RSU1: variants seen among roughly 807,000 people sequenced by gnomAD.
RSU1 encodes rsu-1.
In RSU1, 26 loss-of-function variants were observed where a neutral mutation model predicts 31.1. The ratio of observed to expected loss-of-function variants is 0.84; its 90% CI spans 0.61 to 1.16. The LOEUF (loss-of-function observed/expected upper bound fraction) is 1.16, where lower values mean the gene tolerates loss of function less well. Ranked by LOEUF, RSU1 falls within the 50% of genes most tolerant of loss-of-function variation. RSU1 has a pLI of 0.00. For missense variants in RSU1, 320 were observed against 339.1 expected (o/e 0.94, Z 0.44); for synonymous variants, 164 against 136.3 (o/e 1.20, Z -1.41).
intron 8 of RSU1, among the ~76,000 whole-genome samples, chr10:16,665,593 T>C (rs1404971202): frequency 6.6e-6 from 1 of 152,236 alleles, no homozygotes; most frequent in African/African-American, 2.4e-5. Flanking sequence ...AAGAGAAATA[T>C]TTTGACACAT....
intron 3 of RSU1, among the ~76,000 whole-genome samples, chr10:16,771,962 G>A (rs1837432108): frequency 1.3e-5 from 2 of 152,138 alleles, no homozygotes. Flanking sequence ...AAATAACAAT[G>A]GTAATGTACT....
At chr10:16,686,140 C>T (rs187464879) in intron 8 of RSU1, among the ~76,000 whole-genome samples, 3 of 152,230 alleles carry the variant, frequency 2.0e-5, no homozygotes, top group African/African-American at 7.2e-5. Flanking sequence ...AAAAACCCCA[C>T]AAAACCTCCA....
rs116060902 is a variant in RSU1 at position 16,661,935 on chromosome 10, T to C, written c.731+33088A>G. ...TTCAGCAATATAGTTATAAAATACA[T>C]TTCTCTGACTCATTCTGCATCTAGT... is the stretch of plus-strand genomic sequence containing the variant. On this transcript the variant is annotated intron_variant, in intron 8 of 8. Coordinates refer to ENST00000345264, the MANE Select transcript of RSU1 (RefSeq NM_012425.4). Among the ~76,000 whole-genome samples the C allele has an allele frequency of 2.9e-3, 448 of 152,354 alleles. 4 individuals carry two copies. Among genetic ancestry groups the C allele is most frequent in the African/African-American group, 0.01 (423 of 41,584 alleles).
chr10:16,692,537 T>G (rs1156883340), intron 8 of RSU1, among the ~76,000 whole-genome samples: 1 of 152,276 alleles, frequency 6.6e-6, no homozygotes, highest in Non-Finnish European at 1.5e-5. Context: ...ATGACTTTTT[T>G]CAAGATACCA....
At chr10:16,700,455 AG>A (rs1306886114) in intron 7 of RSU1, among the ~76,000 whole-genome samples, 1 of 152,198 alleles carries the variant, frequency 6.6e-6, no homozygotes, top group Non-Finnish European at 1.5e-5. Flanking sequence ...AACAGCTGAA[AG>A]ATCACCTCTT....
At chr10:16,779,272 G>C (rs1033991684) in intron 3 of RSU1, among the ~76,000 whole-genome samples, 4 of 152,144 alleles carry the variant, frequency 2.6e-5, no homozygotes, top group African/African-American at 9.7e-5. Context: ...ATATTTTTAT[G>C]AACTGCAGTA....
intron 8 of RSU1, among the ~76,000 whole-genome samples, chr10:16,670,178 G>A (rs1324331196): frequency 1.3e-5 from 2 of 152,188 alleles, no homozygotes; most frequent in Non-Finnish European, 2.9e-5. Flanking sequence ...AATAACTAAG[G>A]AGGAAAAACG....
intron 7 of RSU1, among the ~76,000 whole-genome samples, chr10:16,711,579 TA>T (rs1280129983): frequency 2.0e-5 from 3 of 152,210 alleles, no homozygotes; most frequent in African/African-American, 7.2e-5. Context: ...CAGGTTTTGG[TA>T]AGATGTGTTT....
chr10:16,682,574 G>GCACACACACACACACACACACACA, intron 8 of RSU1, among the ~76,000 whole-genome samples: 2 of 138,278 alleles, frequency 1.4e-5, no homozygotes, highest in African/African-American at 5.6e-5. Flanking sequence ...ACACACACAT[G>GCACACACACACACACACACACACA]CATGCATGTT....
intron 8 of RSU1, among the ~76,000 whole-genome samples, chr10:16,674,510 G>A (rs753489008): frequency 1.3e-5 from 2 of 151,624 alleles, no homozygotes. Flanking sequence ...TCCACTAGGT[G>A]CCAGGCAATG....
chr10:16,780,893 G>A (rs770405021), intron 3 of RSU1, among the ~76,000 whole-genome samples: 1 of 152,194 alleles, frequency 6.6e-6, no homozygotes, highest in Non-Finnish European at 1.5e-5. Context: ...TGTGACAACT[G>A]TGCCGTCACT....
chr10:16,796,168 G>T (rs1173311325), intron 2 of RSU1, among the ~76,000 whole-genome samples: 1 of 152,046 alleles, frequency 6.6e-6, no homozygotes, highest in South Asian at 2.1e-4. Flanking sequence ...AACATGATTT[G>T]GTCTCGTAGG....
intron 7 of RSU1, among the ~76,000 whole-genome samples, chr10:16,749,272 T>A (rs1588510622): frequency 6.6e-6 from 1 of 152,172 alleles, no homozygotes; most frequent in Non-Finnish European, 1.5e-5. Flanking sequence ...GTATTAAACC[T>A]CCAGCCAAGC....
intron 8 of RSU1, among the ~76,000 whole-genome samples, chr10:16,685,368 C>T (rs759274420): frequency 6.6e-6 from 1 of 152,096 alleles, no homozygotes; most frequent in Non-Finnish European, 1.5e-5. Context: ...CAGGGCGAGT[C>T]CACAGAGTAA....
intron 7 of RSU1, among the ~76,000 whole-genome samples, chr10:16,708,895 G>A (rs899425327): frequency 1.0e-4 from 15 of 150,236 alleles, no homozygotes; most frequent in African/African-American, 3.7e-4. Context: ...TATTAATAAT[G>A]GTTAATATAT....
rs181438037 is a variant in RSU1 at position 16,653,063 on chromosome 10, C to T, written c.731+41960G>A. On this transcript the variant is annotated intron_variant, in intron 8 of 8. Coordinates refer to ENST00000345264, the MANE Select transcript of RSU1 (RefSeq NM_012425.4). The stretch of plus-strand genomic sequence containing the variant: ...CTAAAAAAATCTAGGGAAAAAAATA[C>T]AAGTAAAGCCAAGAGACAAACCACT... 2.2e-3 allele frequency among the ~76,000 whole-genome samples: 330 copies of T among 152,050 alleles called. 2 individuals carry two copies. The highest frequency in any genetic ancestry group is 7.5e-3 in the African/African-American group (313 of 41,496).
intron 3 of RSU1, among the ~76,000 whole-genome samples, chr10:16,776,914 TA>T (rs1207017407): frequency 1.3e-5 from 2 of 152,042 alleles, no homozygotes; most frequent in African/African-American, 4.8e-5. Flanking sequence ...GTCATATTTT[TA>T]TTTTTTTTTA....
chr10:16,817,230 G>A, intron 1 of RSU1, 85 bp downstream of exon 1: 1 of 618,610 alleles, frequency 1.6e-6, no homozygotes, highest in East Asian at 2.9e-5. Flanking sequence ...TCCGGGTGCG[G>A]GGAGGGGATG....
At chr10:16,602,926 G>GGAGAAATAAA (rs1564282763) in intron 8 of RSU1, among the ~76,000 whole-genome samples, 1 of 152,148 alleles carries the variant, frequency 6.6e-6, no homozygotes, top group Admixed American at 6.5e-5. Context: ...CCTAGCCGGC[G>GGAGAAATAAA]GCTATCAGGG....
Sources: gnomAD v4.1 joint callset for allele counts (sites outside exome capture counted in the v4.1 genomes callset) on GRCh38, gnomAD v4.1.1 for gene constraint, MANE v1.5 for transcripts, NCBI Gene and HGNC (gene_info 2026-07-23, HGNC 2026-07-21) for gene names.